Variants in ST18 observed in about 807,000 individuals in gnomAD.
ST18 encodes the protein ST18 C2H2C-type zinc finger transcription factor.
Under a neutral mutation model 110.0 loss-of-function variants are expected in ST18, and 50 were observed. The observed-to-expected ratio is 0.45, with a 90% confidence interval of 0.36 to 0.58. The LOEUF is 0.58. Among genes scored for constraint, ST18 ranks in the 20% least tolerant of loss-of-function variants. The probability of loss-of-function intolerance (pLI) is 0.00; values close to 1 mark genes in which losing one functional copy is unlikely to be tolerated. For missense variants in ST18, 1,306 were observed against 1,280.1 expected, an observed-to-expected ratio of 1.02 and a Z score of -0.31; for synonymous variants, 461 against 452.4, an observed-to-expected ratio of 1.02 and a Z score of -0.24.
At chr8:52,140,094 A>G (rs578087865) in intron 17 of ST18, among the ~76,000 whole-genome samples, 139 of 152,330 alleles carry the variant, frequency 9.1e-4, no homozygotes, top group African/African-American at 3.0e-3. Context: ...TTGGTAAGCA[A>G]TCAAGGTACT....
chr8:52,206,453 AAGAAC>A (rs1488670802), intron 8 of ST18: 3 of 152,236 alleles, frequency 2.0e-5, no homozygotes. Flanking sequence ...CTGCCCTAGT[AAGAAC>A]AGTACAGTAA....
intron 8 of ST18, among the ~76,000 whole-genome samples, chr8:52,184,131 C>T (rs1026854413): frequency 1.3e-5 from 2 of 152,182 alleles, no homozygotes; most frequent in African/African-American, 2.4e-5. Flanking sequence ...CATATCTTCT[C>T]AAGGTTGCCA....
intron 2 of ST18, among the ~76,000 whole-genome samples, chr8:52,275,350 A>G (rs2095209957): frequency 6.6e-6 from 1 of 152,254 alleles, no homozygotes; most frequent in African/African-American, 2.4e-5. Flanking sequence ...AATTATAAAT[A>G]AAATGAGACG....
At chr8:52,199,066 A>G (rs1225858852) in intron 8 of ST18, 1 of 149,316 alleles carries the variant, frequency 6.7e-6, no homozygotes, top group East Asian at 2.0e-4. Context: ...GGAAGTTGCC[A>G]TTTTGCCAGT....
intron 2 of ST18, among the ~76,000 whole-genome samples, chr8:52,329,766 A>C (rs1416601592): frequency 6.6e-6 from 1 of 152,170 alleles, no homozygotes; most frequent in Non-Finnish European, 1.5e-5. Context: ...GTCTAAAAAA[A>C]AAGAAAGAAA....
chr8:52,203,457 T>C (rs1016062711), intron 8 of ST18, among the ~76,000 whole-genome samples: 7 of 152,140 alleles, frequency 4.6e-5, no homozygotes, highest in Non-Finnish European at 1.0e-4. Context: ...GAATTTACCA[T>C]TGTGAGGAAA....
intron 8 of ST18, among the ~76,000 whole-genome samples, 200 bp from the exon 9 acceptor site, chr8:52,180,512 AT>A (rs938231964): frequency 2.5e-3 from 374 of 149,530 alleles, no homozygotes; most frequent in African/African-American, 7.1e-3. Context: ...TATCAGAAGA[AT>A]TTTTTTTTTT....
At chr8:52,202,278 CA>C in intron 8 of ST18, among the ~76,000 whole-genome samples, 1 of 149,098 alleles carries the variant, frequency 6.7e-6, no homozygotes, top group South Asian at 2.1e-4. Flanking sequence ...ATTCTCAAAA[CA>C]AACAGGGGTA....
chr8:52,317,781 CA>C (rs1417801862), intron 2 of ST18, among the ~76,000 whole-genome samples: 2 of 152,158 alleles, frequency 1.3e-5, no homozygotes, highest in Non-Finnish European at 2.9e-5. Flanking sequence ...CAAAGCTGAA[CA>C]CAGGGATTAT....
chr8:52,209,308 C>T (rs948725737), intron 8 of ST18, among the ~76,000 whole-genome samples: 2 of 152,126 alleles, frequency 1.3e-5, no homozygotes, highest in African/African-American at 4.8e-5. Flanking sequence ...GTCTGGATTG[C>T]CTACCAGCTG....
intron 2 of ST18, among the ~76,000 whole-genome samples, chr8:52,402,896 T>G (rs2141117534): frequency 6.6e-6 from 1 of 152,222 alleles, no homozygotes; most frequent in African/African-American, 2.4e-5. Flanking sequence ...CCACATCAGC[T>G]CAGCACTATG....
chr8:52,231,072 C>A (rs1291139872), intron 2 of ST18, among the ~76,000 whole-genome samples: 1 of 152,108 alleles, frequency 6.6e-6, no homozygotes, highest in Admixed American at 6.5e-5. Flanking sequence ...GAGTTTCACA[C>A]ACAAAAAAAG....
intron 2 of ST18, among the ~76,000 whole-genome samples, chr8:52,371,182 C>T (rs1234319298): frequency 6.6e-6 from 1 of 152,176 alleles, no homozygotes; most frequent in African/African-American, 2.4e-5. Context: ...TGCCTCCTGG[C>T]TCTATGAGCT....
intron 2 of ST18, among the ~76,000 whole-genome samples, chr8:52,402,720 T>C (rs1424650007): frequency 6.6e-6 from 1 of 152,074 alleles, no homozygotes; most frequent in Non-Finnish European, 1.5e-5. Flanking sequence ...CCAAGAACAG[T>C]GGAGCACAGT....
chr8:52,321,568 T>C (rs1803924967), intron 2 of ST18, among the ~76,000 whole-genome samples: 3 of 152,238 alleles, frequency 2.0e-5, no homozygotes, highest in Non-Finnish European at 2.9e-5. Flanking sequence ...GGATGGAAAT[T>C]AGCTGCAAAC....
chr8:52,143,335 AT>A (rs2056000202), intron 16 of ST18, among the ~76,000 whole-genome samples: 1 of 152,092 alleles, frequency 6.6e-6, no homozygotes, highest in South Asian at 2.1e-4. Context: ...AAATACAAAA[AT>A]TTGCTGGACG....
Position 52,136,534 on chromosome 8 carries a change from C to G in ST18, c.2300+56G>C, listed in dbSNP as rs372876218. On this transcript the variant is annotated intron_variant, in intron 19 of 25. Coordinates refer to ENST00000689386, the MANE Select transcript of ST18 (RefSeq NM_001352837.2). ...ACTTGGGCAATGAATGGGCACTGAA[C>G]GAGAGGGTCCTACCGTGTGGATGAA... 4.6e-6 allele frequency: 7 copies of G among 1,532,802 alleles called. No homozygotes were observed. In the South Asian group the frequency reaches 8.3e-5, roughly 18 times the overall value. The allele number at this position is 1,532,802 out of a possible 1,614,324, so 95.0% of individuals were successfully genotyped here.
At chr8:52,115,736 T>C (rs898072222) in intron 25 of ST18, among the ~76,000 whole-genome samples, 3 of 152,218 alleles carry the variant, frequency 2.0e-5, no homozygotes, top group Non-Finnish European at 4.4e-5. Context: ...AGGACTATAG[T>C]TGCATACCTA....
intron 8 of ST18, among the ~76,000 whole-genome samples, chr8:52,210,293 T>G (rs2135926848): frequency 6.6e-6 from 1 of 152,258 alleles, no homozygotes; most frequent in South Asian, 2.1e-4. Flanking sequence ...ATGAGCAAGG[T>G]TATTCAACAA....
Sources: gnomAD v4.1 joint callset for allele counts (sites outside exome capture counted in the v4.1 genomes callset) on GRCh38, gnomAD v4.1.1 for gene constraint, MANE v1.5 for transcripts, NCBI Gene and HGNC (gene_info 2026-07-23, HGNC 2026-07-21) for gene names.